Variants in SYMPK observed in about 807,000 individuals in gnomAD.
SYMPK encodes symplekin scaffold protein, also known as symplekin.
SYMPK carries 49 observed loss-of-function variants against 136.4 expected under a neutral mutation model. The observed-to-expected ratio is 0.36, with a 90% CI of 0.29 to 0.46. The LOEUF (loss-of-function observed/expected upper bound fraction) is 0.46, where lower values mean the gene tolerates loss of function less well. Among genes scored for constraint, SYMPK ranks in the 20% least tolerant of loss-of-function variants. SYMPK has a pLI of 1.00. For synonymous variants in SYMPK, 766 were observed against 713.0 expected (o/e 1.07, Z -1.19); for missense variants, 1,365 against 1,690.0 (o/e 0.81, Z 3.37).
Position 45,842,300 on chromosome 19 carries a change from C to A in SYMPK, c.1037G>T (p.Arg346Leu), listed in dbSNP as rs763771090. 2.5e-6 allele frequency: 4 copies of A among 1,614,200 alleles called. No individual in the cohort carries two copies. The highest frequency in any genetic ancestry group is 2.2e-5 in the East Asian group (1 of 44,894). ...GTCCGAGTCATCGCGGGGCCGCTTG[C>A]GGGTGTCCTTGCTGCTCGGCATGTT... ...ARNMPSSKDT[R>L]KRPRDDSDST... The change falls in exon 9 of 27, where the codon CGC (arginine) becomes CTC (leucine). Residue 346 changes from arginine to leucine, a missense_variant. By Grantham distance (102) the Arg-to-Leu change is moderately radical (BLOSUM62 -2). Coordinates refer to ENST00000245934, the MANE Select transcript of SYMPK (RefSeq NM_004819.3).
At chr19:45,817,578 T>TG (rs1970783523) in intron 23 of SYMPK, among the ~76,000 whole-genome samples, 1 of 151,948 alleles carries the variant, frequency 6.6e-6, no homozygotes, top group African/African-American at 2.4e-5. Context: ...ATTACAGGTG[T>TG]GAACCATCAC....
chr19:45,833,836 C>G (rs1451296054), intron 11 of SYMPK, among the ~76,000 whole-genome samples: 1 of 152,194 alleles, frequency 6.6e-6, no homozygotes, highest in Non-Finnish European at 1.5e-5. Flanking sequence ...GTCAAAACAT[C>G]ATTTCATGAA....
At chr19:45,834,988 T>G in intron 11 of SYMPK, 90 bp downstream of exon 11, 5 of 1,272,406 alleles carry the variant, frequency 3.9e-6, no homozygotes, top group Middle Eastern at 2.9e-4. Context: ...GATTTTCAAC[T>G]GCACCACGAG....
Position 45,815,951 on chromosome 19 carries a change from G to A in SYMPK, c.3587C>T (p.Pro1196Leu), listed in dbSNP as rs112323529. 1.2e-6 allele frequency: 2 copies of A among 1,611,342 alleles called. No individual in the cohort carries two copies. The highest frequency in any genetic ancestry group is 2.2e-5 in the East Asian group (1 of 44,846). ...GAAGATGCCCGGGGTCTCGCACTCA[G>A]GCCCCTCCTCCCGGAAATCCATGGC... ...EEAMDFREEGPECETPGIFIS... is the reference protein window; with the variant it reads ...EEAMDFREEGLECETPGIFIS... Residue 1196 changes from proline to leucine, a missense_variant, in exon 26 of 27, where the codon CCT (proline) becomes CTT (leucine). Around this residue, in one of 11 missense-constraint regions of SYMPK, gnomAD observed 341 missense variants for 270.5 expected, o/e 1.26. Transcript: ENST00000245934.
intron 1 of SYMPK, among the ~76,000 whole-genome samples, chr19:45,857,409 CAAAAAAAA>C (rs1161033225): frequency 4.6e-5 from 2 of 43,432 alleles, no homozygotes; most frequent in Admixed American, 5.5e-4. Context: ...GACTCTGTCT[CAAAAAAAA>C]AAAAAAAAAA....
intron 1 of SYMPK, among the ~76,000 whole-genome samples, chr19:45,856,452 G>A (rs555134097): frequency 6.6e-6 from 1 of 152,132 alleles, no homozygotes; most frequent in Non-Finnish European, 1.5e-5. Flanking sequence ...ATGTGTTTAT[G>A]TATACGCAGA....
At chr19:45,838,665 C>T (rs1971363877) in intron 9 of SYMPK, 50 bp from the exon 10 acceptor site, 3 of 1,575,202 alleles carry the variant, frequency 1.9e-6, no homozygotes, top group East Asian at 4.5e-5. Context: ...GAGCTGCAGG[C>T]CCTCCATCCT....
intron 19 of SYMPK, 72 bp downstream of exon 19, chr19:45,823,695 C>G: frequency 7.3e-7 from 1 of 1,369,468 alleles, no homozygotes; most frequent in Non-Finnish European, 1.0e-6. Flanking sequence ...CCCAGCAGCT[C>G]AGATCCCCAG....
At chr19:45,849,840 G>GT (rs1971655408) in intron 5 of SYMPK, among the ~76,000 whole-genome samples, 1 of 152,122 alleles carries the variant, frequency 6.6e-6, no homozygotes, top group South Asian at 2.1e-4. Context: ...GAGGTCAGGA[G>GT]TTTGAGACCA....
At chr19:45,816,641 C>T in intron 24 of SYMPK, 64 bp from the exon 25 acceptor site, 2 of 1,602,784 alleles carry the variant, frequency 1.2e-6, no homozygotes, top group Non-Finnish European at 1.7e-6. Context: ...ATTTGCACAC[C>T]TCAGGTCCGG....
At chr19:45,841,573 G>A (rs971797140) in intron 9 of SYMPK, among the ~76,000 whole-genome samples, 4 of 151,834 alleles carry the variant, frequency 2.6e-5, no homozygotes, top group African/African-American at 4.8e-5. Flanking sequence ...GATTACAGGC[G>A]TGAGCCACTG....
At position 45,815,929 on chromosome 19, in the gene SYMPK, G is replaced by A. The variant is rs756445291; in HGVS notation, c.3609C>T (p.Ile1203=). The A allele has an allele frequency of 1.4e-5, 23 of 1,612,034 alleles. No individual in the cohort carries two copies. The highest frequency in any genetic ancestry group is 9.3e-6 in the Non-Finnish European group (11 of 1,179,822). Residue 1203 remains isoleucine (I), a synonymous_variant, in exon 26 of 27, where the codon ATC becomes ATT. Coordinates refer to ENST00000245934, the MANE Select transcript of SYMPK (RefSeq NM_004819.3). Reference sequence around the variant, plus strand: ...CCGAGTCGTCATCCATGCTGATGAAGATGCCCGGGGTCTCGCACTCAGGCC... The same window carrying A: ...CCGAGTCGTCATCCATGCTGATGAAAATGCCCGGGGTCTCGCACTCAGGCC... ...EEGPECETPG[I]FISMDDDSGL...
intron 1 of SYMPK, chr19:45,862,648 T>A (rs1458027995): frequency 1.2e-5 from 2 of 164,406 alleles, no homozygotes; most frequent in African/African-American, 4.8e-5. Flanking sequence ...GCAGAGGAAG[T>A]GACGTTGGTG....
rs757942262 is a variant in SYMPK, at chr19:45,830,195, G to A, written c.1608C>T (p.Gly536=). 6 of 1,609,578 alleles carry A rather than the reference G, an allele frequency of 3.7e-6. No individual in the cohort carries two copies. The highest frequency in any genetic ancestry group is 2.2e-5 in the East Asian group (1 of 44,724). ...IIPVTQPRLA[G]AGGRKKIFRL... ...GGAAAATTTTCTTGCGCCCACCAGC[G>A]CCTGCCAGCCTGTGTGGAAGAGCAG... is the stretch of plus-strand genomic sequence containing the variant. The change falls in exon 13 of 27, where the codon GGC becomes GGT. Residue 536 remains glycine, a synonymous_variant. Transcript: ENST00000245934.
At position 45,852,394 on chromosome 19, in the gene SYMPK, G is replaced by A; in HGVS notation, c.226-9C>T. The A allele has an allele frequency of 6.2e-7, 1 of 1,614,182 alleles. No homozygotes were observed. Among genetic ancestry groups the A allele is most frequent in the Non-Finnish European group, 8.5e-7 (1 of 1,180,040 alleles). The stretch of plus-strand genomic sequence containing the variant: ...TGGAATGCGATGATCTCCTGCCAAT[G>A]TTAGAGAGAAAGTGGATCAGGGCTA... On this transcript the variant is annotated splice_polypyrimidine_tract_variant and intron_variant, in intron 4 of 26. Transcript: ENST00000245934.
At chr19:45,852,609 T>TAGAGGGGAAGACAGC in intron 3 of SYMPK, 74 bp from the exon 4 acceptor site, 2 of 1,563,234 alleles carry the variant, frequency 1.3e-6, no homozygotes, top group Non-Finnish European at 1.8e-6. Flanking sequence ...GACAGGAGAG[T>TAGAGGGGAAGACAGC]AGAGGGGAAG....
chr19:45,847,354 G>A (rs1971586951), intron 7 of SYMPK, among the ~76,000 whole-genome samples: 1 of 151,864 alleles, frequency 6.6e-6, no homozygotes, highest in South Asian at 2.1e-4. Context: ...AACCCGGAAG[G>A]CGGAGGTTGC....
In SYMPK at chr19:45,821,132, A is replaced by T. The variant is rs1373294101; in HGVS notation, c.2893+252T>A. Reference sequence around the variant, plus strand: ...CACTCTGTGCCAGGGCACAGCAGGTACATCAGAGGCAGAAAAAGGTGGGTT... The same window carrying T: ...CACTCTGTGCCAGGGCACAGCAGGTTCATCAGAGGCAGAAAAAGGTGGGTT... On this transcript the variant is annotated intron_variant, in intron 22 of 26. Coordinates refer to ENST00000245934, the MANE Select transcript of SYMPK (RefSeq NM_004819.3). The surrounding 1 kb of genome is among the most constrained non-coding windows in gnomAD (Gnocchi z 4.4). The T allele has an allele frequency of 1.4e-6, 1 of 692,284 alleles. No homozygotes were observed. Among genetic ancestry groups the T allele is most frequent in the Non-Finnish European group, 2.6e-6 (1 of 380,218 alleles). The allele number at this position is 692,284 out of a possible 1,614,324, so 42.9% of individuals were successfully genotyped here. A position where few individuals can be genotyped will look rare whatever the true frequency, so the allele number is the denominator to read the frequency against.
rs1241871054 is a variant in SYMPK at position 45,815,683 on chromosome 19, G to A, written c.3702C>T (p.Gly1234=). The part of the protein sequence containing the change: ...EGPLPKETAA[G]GLTLKEERSP... Reference sequence around the variant, plus strand: ...TCCGCTCCTCCTTCAAGGTCAGCCCGCCCGCTGCCGTCTCCTGGTGACCGG... The same window carrying A: ...TCCGCTCCTCCTTCAAGGTCAGCCCACCCGCTGCCGTCTCCTGGTGACCGG... The change falls in exon 27 of 27, where the codon GGC becomes GGT. Residue 1234 remains glycine (G), a synonymous_variant. Transcript: ENST00000245934. The A allele has an allele frequency of 6.2e-7, 1 of 1,609,392 alleles. No homozygotes were observed. Among genetic ancestry groups the A allele is most frequent in the Admixed American group, 1.7e-5 (1 of 59,300 alleles).
Sources: gnomAD v4.1 joint callset for allele counts (sites outside exome capture counted in the v4.1 genomes callset) on GRCh38, gnomAD v4.1.1 for gene constraint, gnomAD v4.1.1 regional missense constraint, Gnocchi (gnomAD v3.1) non-coding constraint, MANE v1.5 for transcripts, NCBI Gene and HGNC (gene_info 2026-07-23, HGNC 2026-07-21) for gene names.